TIAM2: variants seen among roughly 807,000 people sequenced by gnomAD.
The protein encoded by TIAM2 is TIAM Rac1 associated GEF 2, also known as rho guanine nucleotide exchange factor TIAM2.
A neutral mutation model predicts 152.9 loss-of-function variants in TIAM2; 80 were observed. The observed-to-expected ratio is 0.52, with a 90% CI of 0.44 to 0.63. The LOEUF is 0.63. TIAM2 is among the 30% of genes least tolerant of loss of function. The pLI, the probability that TIAM2 is intolerant of heterozygous loss-of-function variation, is 0.00. For synonymous variants in TIAM2, 804 were observed against 838.0 expected (o/e 0.96, Z 0.70); for missense variants, 1,965 against 2,120.1 (o/e 0.93, Z 1.44).
At chr6:155,168,004 TAAAC>T (rs1222694520) in intron 9 of TIAM2, among the ~76,000 whole-genome samples, 1 of 152,358 alleles carries the variant, frequency 6.6e-6, no homozygotes, top group Non-Finnish European at 1.5e-5. Context: ...GACTTTTTGA[TAAAC>T]AAAAGCATTT....
At chr6:155,226,369 C>T (rs1350269344) in intron 15 of TIAM2, among the ~76,000 whole-genome samples, 1 of 152,148 alleles carries the variant, frequency 6.6e-6, no homozygotes, top group Non-Finnish European at 1.5e-5. Flanking sequence ...TAAGTGGAAA[C>T]AAAAGATTGC....
Position 155,245,653 on chromosome 6 carries a change from C to A in TIAM2, c.3574C>A (p.Leu1192Ile). Reference sequence around the variant, plus strand: ...ACTGTTTTCCCTTGGAGGCTCTTTCCTTTATTACGCGGACCACTTTAAACT... The same window carrying A: ...ACTGTTTTCCCTTGGAGGCTCTTTCATTTATTACGCGGACCACTTTAAACT... ...KLLFSLGGSF[L>I]YYADHFKLYS... is the part of the protein sequence containing the mutation. Residue 1192 changes from leucine to isoleucine, a missense_variant, in exon 19 of 27, where the codon CTT (leucine) becomes ATT (isoleucine). Leu to Ile is a conservative substitution (Grantham distance 5). This residue lies in a region of TIAM2 where 935 missense variants were observed against 980.0 expected (regional missense o/e 0.95). Coordinates refer to ENST00000682666, the MANE Select transcript of TIAM2 (RefSeq NM_012454.4). The A allele has an allele frequency of 6.2e-7, 1 of 1,613,840 alleles. No homozygotes were observed. The highest frequency in any genetic ancestry group is 8.5e-7 in the Non-Finnish European group (1 of 1,179,896).
chr6:155,208,859 C>T (rs1458431528), intron 14 of TIAM2, among the ~76,000 whole-genome samples: 1 of 152,090 alleles, frequency 6.6e-6, no homozygotes, highest in South Asian at 2.1e-4. Flanking sequence ...CGAGGACACT[C>T]TTCCATCTCT....
intron 6 of TIAM2, 89 bp downstream of exon 6, chr6:155,144,867 T>C (rs1779787531): frequency 7.1e-7 from 1 of 1,407,864 alleles, no homozygotes; most frequent in Non-Finnish European, 9.6e-7. Context: ...GAAATGAAAT[T>C]GAATAAATAC....
At chr6:155,093,165 C>G (rs9480049) in intron 2 of TIAM2, among the ~76,000 whole-genome samples, 20,855 of 152,160 alleles carry the variant, frequency 0.14, 1,633 homozygotes, top group Admixed American at 0.24. Context: ...AATTGCTAAA[C>G]TTTGCTTGGC....
At chr6:155,188,067 G>A (rs1194799440) in intron 14 of TIAM2, among the ~76,000 whole-genome samples, 2 of 152,192 alleles carry the variant, frequency 1.3e-5, no homozygotes, top group African/African-American at 4.8e-5. Flanking sequence ...CTTCTATGCC[G>A]AGGTTTTGAG....
chr6:155,037,209 C>T (rs187095535), intron 1 of TIAM2, among the ~76,000 whole-genome samples: 243 of 152,212 alleles, frequency 1.6e-3, no homozygotes, highest in Non-Finnish European at 2.9e-3. Flanking sequence ...CTTCAATTTT[C>T]TCATCTGTAA....
intron 9 of TIAM2, among the ~76,000 whole-genome samples, chr6:155,168,054 T>C (rs1278124393): frequency 6.6e-6 from 1 of 152,238 alleles, no homozygotes; most frequent in Non-Finnish European, 1.5e-5. Context: ...GATATGAAAC[T>C]AATTACAGTG....
chr6:155,052,271 G>C (rs1003885841), intron 1 of TIAM2, among the ~76,000 whole-genome samples: 1 of 152,012 alleles, frequency 6.6e-6, no homozygotes, highest in African/African-American at 2.4e-5. Flanking sequence ...GTTATCTATC[G>C]TGATTTTACT....
chr6:155,151,548 T>C (rs1015990607), intron 7 of TIAM2, among the ~76,000 whole-genome samples: 1 of 152,246 alleles, frequency 6.6e-6, no homozygotes, highest in African/African-American at 2.4e-5. Context: ...CATAGTGGTC[T>C]TGTATGCAAG....
intron 14 of TIAM2, among the ~76,000 whole-genome samples, chr6:155,187,514 G>C (rs1781068332): frequency 6.6e-6 from 1 of 151,156 alleles, no homozygotes; most frequent in Non-Finnish European, 1.5e-5. Flanking sequence ...GTTTTGCTGT[G>C]GGTGCACCTC....
At chr6:155,227,466 G>C (rs1240336769) in intron 15 of TIAM2, among the ~76,000 whole-genome samples, 1 of 152,154 alleles carries the variant, frequency 6.6e-6, no homozygotes, top group Non-Finnish European at 1.5e-5. Flanking sequence ...GTGTGTCCTA[G>C]GCAGTGACTG....
chr6:155,080,158 G>A (rs1359448264), intron 1 of TIAM2, among the ~76,000 whole-genome samples: 1 of 151,634 alleles, frequency 6.6e-6, no homozygotes, highest in Admixed American at 6.6e-5. Flanking sequence ...CACGTTATCC[G>A]CCCCGTGGCT....
At chr6:155,070,213 T>TTTTTTTTTTTG (rs1777808964) in intron 1 of TIAM2, among the ~76,000 whole-genome samples, 1 of 24,538 alleles carries the variant, frequency 4.1e-5, no homozygotes, top group African/African-American at 1.2e-4. Context: ...GCCAGACTTT[T>TTTTTTTTTTTG]TTTTTTTTTT....
rs576401569 is a variant in TIAM2, at chr6:155,138,851, C to CT, written c.1630+1249dup. Among the ~76,000 whole-genome samples, 515 of 149,184 alleles carry CT rather than the reference C, an allele frequency of 3.5e-3. 1 individual carries two copies. The highest frequency in any genetic ancestry group is 5.7e-3 in the Non-Finnish European group (385 of 67,092). On this transcript the variant is annotated intron_variant, in intron 5 of 26. Transcript: ENST00000682666. ...AGTCTATCATTGATGGACCAGCTGTCTTTTTTTTTTAAACATAAAGGCAAT... is the reference window on the plus strand; with the variant it reads ...AGTCTATCATTGATGGACCAGCTGTCTTTTTTTTTTTAAACATAAAGGCAAT...
Position 155,244,762 on chromosome 6 carries a change from A to G in TIAM2, c.3522A>G (p.Leu1174=). ...CAGCATCATCTGACTTTAACACCCT[A>G]GAAACCCCCTCACAGTTTAGAGTAA... is the stretch of plus-strand genomic sequence containing the variant. ...GISASSDFNT[L]ETPSQFRKLL... is the part of the protein sequence containing the mutation. Residue 1174 remains leucine, a synonymous_variant, in exon 18 of 27, where the codon CTA becomes CTG. Coordinates refer to ENST00000682666, the MANE Select transcript of TIAM2 (RefSeq NM_012454.4). 6.2e-7 allele frequency: 1 copy of G among 1,613,500 alleles called. No homozygotes were observed. The highest frequency in any genetic ancestry group is 2.2e-5 in the East Asian group (1 of 44,866).
intron 2 of TIAM2, among the ~76,000 whole-genome samples, chr6:155,118,523 C>G (rs1779070757): frequency 2.0e-5 from 3 of 148,240 alleles, no homozygotes; most frequent in African/African-American, 7.5e-5. Flanking sequence ...ACCTTTGCCT[C>G]CTGGATTCAA....
rs1168755251 is a variant in TIAM2 at position 155,028,957 on chromosome 6, A to C, written c.-209+33465A>C. On this transcript the variant is annotated intron_variant, in intron 1 of 26. Transcript: ENST00000682666. ...ACTATATATACTATGTTATATATAC[A>C]CTGTATGTACTATATATACTATGTT... Among the ~76,000 whole-genome samples, 7 of 109,218 alleles carry C rather than the reference A, an allele frequency of 6.4e-5. 2 individuals are homozygous for C. The highest frequency in any genetic ancestry group is 2.0e-4 in the African/African-American group (5 of 25,368). The allele number at this position is 109,218 out of a possible 152,430, so 71.7% of individuals were successfully genotyped here.
intron 14 of TIAM2, among the ~76,000 whole-genome samples, chr6:155,192,550 T>C (rs1385616412): frequency 6.6e-6 from 1 of 152,110 alleles, no homozygotes; most frequent in East Asian, 1.9e-4. Context: ...AACTGAGCAA[T>C]GTCCAAAATG....
Sources: gnomAD v4.1 joint callset for allele counts (sites outside exome capture counted in the v4.1 genomes callset) on GRCh38, gnomAD v4.1.1 for gene constraint, gnomAD v4.1.1 regional missense constraint, MANE v1.5 for transcripts, NCBI Gene and HGNC (gene_info 2026-07-23, HGNC 2026-07-21) for gene names.